SYNPO2: variants seen among roughly 807,000 people sequenced by gnomAD.
SYNPO2 encodes synaptopodin-2.
Under a neutral mutation model 85.0 loss-of-function variants are expected in SYNPO2, and 56 were observed. The ratio of observed to expected loss-of-function variants is 0.66; its 90% CI spans 0.53 to 0.82. The LOEUF (loss-of-function observed/expected upper bound fraction) is 0.82, where lower values mean the gene tolerates loss of function less well. Among genes scored for constraint, SYNPO2 ranks in the 40% least tolerant of loss-of-function variants. SYNPO2 has a pLI of 0.00. For missense variants in SYNPO2, 1,575 were observed against 1,534.2 expected, an observed-to-expected ratio of 1.03 and a Z score of -0.44; for synonymous variants, 602 against 591.1, an observed-to-expected ratio of 1.02 and a Z score of -0.27.
intron 1 of SYNPO2, among the ~76,000 whole-genome samples, chr4:118,968,770 A>G (rs1409585739): frequency 2.0e-5 from 3 of 152,324 alleles, no homozygotes; most frequent in Non-Finnish European, 2.9e-5. Flanking sequence ...AATGAATGGC[A>G]TAACTCCCTT....
intron 1 of SYNPO2, among the ~76,000 whole-genome samples, chr4:118,978,400 A>G (rs752763094): frequency 4.3e-4 from 65 of 152,248 alleles, no homozygotes; most frequent in Non-Finnish European, 7.8e-4. Flanking sequence ...TTTCCCTAGC[A>G]TAGTAAAAAG....
At chr4:119,043,332 T>C (rs1357377728) in intron 4 of SYNPO2, 1 of 152,210 alleles carries the variant, frequency 6.6e-6, no homozygotes, top group Non-Finnish European at 1.5e-5. Flanking sequence ...TAGGCTAAGA[T>C]TACATATCCA....
rs183181945 is a variant in SYNPO2 at position 118,945,892 on chromosome 4, C to T, written c.105+56751C>T. 2.5e-3 allele frequency among the ~76,000 whole-genome samples: 383 copies of T among 152,010 alleles called. 2 individuals carry two copies. Among genetic ancestry groups the T allele is most frequent in the African/African-American group, 8.7e-3 (362 of 41,454 alleles). On this transcript the variant is annotated intron_variant, in intron 1 of 4. Transcript: ENST00000307142. Reference sequence around the variant, plus strand: ...TCCCGAGTAGCTAGGACTGCAGGCGCGCACCACCACACCTGGCTAATTTTT... The same window carrying T: ...TCCCGAGTAGCTAGGACTGCAGGCGTGCACCACCACACCTGGCTAATTTTT...
At chr4:118,859,967 A>G (rs1731581237) in intron 1 of SYNPO2, among the ~76,000 whole-genome samples, 1 of 151,986 alleles carries the variant, frequency 6.6e-6, no homozygotes, top group Non-Finnish European at 1.5e-5. Context: ...TGGTAGCTCT[A>G]TTTTTAGTTT....
chr4:118,884,663 CT>C (rs1472403359), upstream of SYNPO2, among the ~76,000 whole-genome samples: 2 of 152,102 alleles, frequency 1.3e-5, no homozygotes, highest in African/African-American at 4.8e-5. Flanking sequence ...GAATTTTGGT[CT>C]ATTTCAAATG....
intron 1 of SYNPO2, among the ~76,000 whole-genome samples, chr4:119,006,828 G>T (rs1221210311): frequency 2.6e-5 from 4 of 152,014 alleles, no homozygotes; most frequent in Non-Finnish European, 5.9e-5. Context: ...TGCTGACATG[G>T]TCTCTCTCAT....
At chr4:119,043,308 G>A (rs775636965) in intron 4 of SYNPO2, 5 of 152,052 alleles carry the variant, frequency 3.3e-5, no homozygotes, top group African/African-American at 7.2e-5. Context: ...CTCCCCAGAA[G>A]TTACTTTTTA....
chr4:118,876,998 G>T (rs527424988), intron 1 of SYNPO2, among the ~76,000 whole-genome samples: 11 of 151,512 alleles, frequency 7.3e-5, no homozygotes, highest in Admixed American at 5.3e-4. Context: ...TAGAGACAAG[G>T]TCTCCCTATG....
At chr4:118,937,097 A>G (rs1053528491) in intron 1 of SYNPO2, among the ~76,000 whole-genome samples, 8 of 152,076 alleles carry the variant, frequency 5.3e-5, no homozygotes, top group African/African-American at 1.9e-4. Flanking sequence ...CAACCCAAAG[A>G]CTTTAAAATG....
At chr4:119,042,259 G>C (rs893958734) in intron 4 of SYNPO2, 3 of 133,340 alleles carry the variant, frequency 2.2e-5, no homozygotes, top group Admixed American at 8.0e-5. Context: ...AGACTAAAGG[G>C]GGCCTTGAGA....
At chr4:118,911,817 C>G (rs192657044) in intron 1 of SYNPO2, among the ~76,000 whole-genome samples, 33 of 152,266 alleles carry the variant, frequency 2.2e-4, no homozygotes, top group African/African-American at 7.5e-4. Context: ...CATTCAGCAA[C>G]TCCCCCCCTC....
In SYNPO2 at chr4:119,031,717, C is replaced by T. The variant is rs1561008516; in HGVS notation, c.2942C>T (p.Pro981Leu). ...QLNASLFTFQ[P>L]PDAKDGLPQK... The stretch of plus-strand genomic sequence containing the variant: ...AATGCATCCTTGTTTACTTTCCAAC[C>T]TCCAGATGCAAAGGATGGCCTCCCC... The change falls in exon 4 of 5, where the codon CCT becomes CTT. Residue 981 changes from proline to leucine, a missense_variant. Pro to Leu is a moderately conservative substitution (Grantham distance 98). Transcript: ENST00000307142. 6.2e-7 allele frequency: 1 copy of T among 1,614,210 alleles called. No homozygotes were observed. Among genetic ancestry groups the T allele is most frequent in the East Asian group, 2.2e-5 (1 of 44,880 alleles).
chr4:119,034,803 G>A (rs1738435551), intron 4 of SYNPO2: 1 of 985,420 alleles, frequency 1.0e-6, no homozygotes, highest in African/African-American at 1.7e-5. Context: ...CCAAGGAAGT[G>A]ATGTCAGTGT....
At chr4:118,866,314 G>A (rs1731698994) in intron 1 of SYNPO2, among the ~76,000 whole-genome samples, 2 of 152,066 alleles carry the variant, frequency 1.3e-5, no homozygotes, top group Non-Finnish European at 2.9e-5. Context: ...CACTAACCTG[G>A]CAATCAAAAA....
At chr4:118,942,478 T>C (rs1734349205) in intron 1 of SYNPO2, among the ~76,000 whole-genome samples, 1 of 152,222 alleles carries the variant, frequency 6.6e-6, no homozygotes, top group Non-Finnish European at 1.5e-5. Flanking sequence ...AGCACAACAT[T>C]TTTTTCTAAA....
At chr4:118,967,030 A>T (rs1174419699) in intron 1 of SYNPO2, among the ~76,000 whole-genome samples, 1 of 152,210 alleles carries the variant, frequency 6.6e-6, no homozygotes, top group African/African-American at 2.4e-5. Flanking sequence ...CATAATGGAT[A>T]TGTTCCAGAC....
Position 119,058,063 on chromosome 4 carries a change from T to A in SYNPO2, c.*129T>A. 2.0e-6 allele frequency: 2 copies of A among 988,410 alleles called. No individual in the cohort carries two copies. The highest frequency in any genetic ancestry group is 2.9e-6 in the Non-Finnish European group (2 of 690,322). The allele number at this position is 988,410 out of a possible 1,614,324, so 61.2% of individuals were successfully genotyped here. ...GGCTTGTTCTCATAAGTCATTTATC[T>A]AAGTTTGTGTTTCTGTGTGTGTGTG... On this transcript the variant is annotated 3_prime_UTR_variant, in exon 5 of 5. Coordinates refer to ENST00000307142, the MANE Select transcript of SYNPO2 (RefSeq NM_133477.3).
chr4:118,879,229 T>G (rs958832532), intron 1 of SYNPO2, among the ~76,000 whole-genome samples: 24 of 152,170 alleles, frequency 1.6e-4, no homozygotes, highest in Non-Finnish European at 3.2e-4. Context: ...CGTGGCTTCA[T>G]TGTTGAAGTC....
chr4:119,034,084 A>G (rs1327573637), intron 4 of SYNPO2: 2 of 985,328 alleles, frequency 2.0e-6, no homozygotes, highest in African/African-American at 1.7e-5. Context: ...GAAAAAAGCA[A>G]TCTATTCATT....
Sources: gnomAD v4.1 joint callset for allele counts (sites outside exome capture counted in the v4.1 genomes callset) on GRCh38, gnomAD v4.1.1 for gene constraint, MANE v1.5 for transcripts, NCBI Gene and HGNC (gene_info 2026-07-23, HGNC 2026-07-21) for gene names.